The following RCAN3 variants were observed in gnomAD, a reference collection of about 807,000 sequenced individuals.
The protein encoded by RCAN3 is regulator of calcineurin 3.
RCAN3 carries 19 observed loss-of-function variants against 21.9 expected under a neutral mutation model. The observed-to-expected ratio is 0.87, with a 90% CI of 0.61 to 1.27. The LOEUF (loss-of-function observed/expected upper bound fraction) is 1.27. Ranked by LOEUF, RCAN3 falls within the 50% of genes most tolerant of loss-of-function variation. RCAN3 has a pLI of 0.00. For synonymous variants in RCAN3, 114 were observed against 112.3 expected (o/e 1.01, Z -0.09); for missense variants, 240 against 300.1 (o/e 0.80, Z 1.48).
chr1:24,519,048 C>A (rs116813060), intron 2 of RCAN3, among the ~76,000 whole-genome samples: 5,730 of 152,120 alleles, frequency 0.038, 163 homozygotes, highest in Non-Finnish European at 0.058. Flanking sequence ...AATGCTGGGA[C>A]TACAGGTGCA....
chr1:24,522,388 T>G (rs1165447801), intron 2 of RCAN3, among the ~76,000 whole-genome samples: 1 of 152,176 alleles, frequency 6.6e-6, no homozygotes, highest in Admixed American at 6.5e-5. Context: ...TGCACAGACT[T>G]GGAAGCATGA....
At chr1:24,531,121 T>A in intron 2 of RCAN3, 97 bp from the exon 3 acceptor site, 1 of 857,658 alleles carries the variant, frequency 1.2e-6, no homozygotes, top group Non-Finnish European at 1.7e-6. Context: ...AATGAGTTCT[T>A]AATTAGGTTT....
At chr1:24,506,077 G>A (rs769913484) in intron 1 of RCAN3, among the ~76,000 whole-genome samples, 5 of 152,108 alleles carry the variant, frequency 3.3e-5, no homozygotes, top group Non-Finnish European at 4.4e-5. Context: ...TGGAGATGAC[G>A]GGAAACCTGG....
chr1:24,523,710 C>A (rs750174228), intron 2 of RCAN3, among the ~76,000 whole-genome samples: 1 of 151,630 alleles, frequency 6.6e-6, no homozygotes, highest in Non-Finnish European at 1.5e-5. Flanking sequence ...GGTACAATCT[C>A]GGCCCACTGC....
intron 2 of RCAN3, among the ~76,000 whole-genome samples, chr1:24,520,636 A>AAC (rs1283888805): frequency 2.0e-5 from 3 of 146,872 alleles, no homozygotes; most frequent in Non-Finnish European, 4.5e-5. Context: ...GAACAATGAG[A>AAC]ACACAATGAC....
chr1:24,507,429 C>T (rs1415808682), intron 1 of RCAN3: 2 of 152,214 alleles, frequency 1.3e-5, no homozygotes, highest in Non-Finnish European at 2.9e-5. Flanking sequence ...AGTGGGGTAA[C>T]TAAAATACTA....
At chr1:24,518,868 G>A (rs1354751912) in intron 2 of RCAN3, among the ~76,000 whole-genome samples, 1 of 152,014 alleles carries the variant, frequency 6.6e-6, no homozygotes, top group Non-Finnish European at 1.5e-5. Flanking sequence ...CTGCCTCCCG[G>A]GTTCAAGCAA....
chr1:24,518,763 A>ATTAT (rs57153313), intron 2 of RCAN3, among the ~76,000 whole-genome samples: 3,629 of 150,484 alleles, frequency 0.024, 56 homozygotes, highest in Middle Eastern at 0.048. Flanking sequence ...CAGCTAATTT[A>ATTAT]TTATTTATTT....
At chr1:24,523,683 C>T (rs1649019552) in intron 2 of RCAN3, among the ~76,000 whole-genome samples, 1 of 150,638 alleles carries the variant, frequency 6.6e-6, no homozygotes, top group South Asian at 2.1e-4. Context: ...ATTCTGTTTC[C>T]CAGGCTGGAG....
At chr1:24,513,380 G>A (rs1449401608) in intron 1 of RCAN3, among the ~76,000 whole-genome samples, 2 of 152,016 alleles carry the variant, frequency 1.3e-5, no homozygotes, top group Non-Finnish European at 2.9e-5. Context: ...AAAGTGCTGG[G>A]ATTGGCCAGA....
rs1461905897 is a variant in RCAN3, at chr1:24,540,212, T to C, written c.*4935T>C. 6.6e-6 allele frequency: 1 copy of C among 152,466 alleles called. No individual in the cohort carries two copies. The highest frequency in any genetic ancestry group is 1.9e-4 in the East Asian group (1 of 5,194). The allele number at this position is 152,466 out of a possible 1,614,324, so 9.4% of individuals were successfully genotyped here. On this transcript the variant is annotated 3_prime_UTR_variant, in exon 5 of 5. Transcript: ENST00000374395. ...CTGCTGGGTTCACTGACAAAGATTATAAAAATCATCACGTTCAAAGTAGAG... is the reference window on the plus strand; with the variant it reads ...CTGCTGGGTTCACTGACAAAGATTACAAAAATCATCACGTTCAAAGTAGAG...
At chr1:24,527,676 C>T (rs1211227585) in intron 2 of RCAN3, among the ~76,000 whole-genome samples, 2 of 151,984 alleles carry the variant, frequency 1.3e-5, no homozygotes, top group African/African-American at 4.8e-5. Context: ...TTTACATAGG[C>T]GAAGCAAGAA....
intron 2 of RCAN3, among the ~76,000 whole-genome samples, chr1:24,522,759 T>C (rs903814089): frequency 5.9e-5 from 9 of 152,278 alleles, no homozygotes; most frequent in African/African-American, 2.2e-4. Flanking sequence ...ATTCCTCTTA[T>C]GTAAGGCGCT....
intron 4 of RCAN3, 22 bp from the exon 5 acceptor site, chr1:24,535,071 G>A (rs1650118540): frequency 6.3e-7 from 1 of 1,589,346 alleles, no homozygotes; most frequent in Non-Finnish European, 8.5e-7. Context: ...TTTTGTCATG[G>A]TTATTTTGTT....
rs1444356151 is a variant in RCAN3 at position 24,535,447 on chromosome 1, A to AT, written c.*173dup. 8.6e-6 allele frequency: 5 copies of AT among 579,244 alleles called. No homozygotes were observed. Among genetic ancestry groups the AT allele is most frequent in the Non-Finnish European group, 1.3e-5 (5 of 380,554 alleles). 35.9% of individuals were successfully genotyped at this position (579,244 alleles called of 1,614,324 possible). ...ACACGGTCGTGTAGAGTAGCAGCTG[A>AT]TTTGACCTGTCCCAGATTTTAAGTG... On this transcript the variant is annotated 3_prime_UTR_variant, in exon 5 of 5. Coordinates refer to ENST00000374395, the MANE Select transcript of RCAN3 (RefSeq NM_013441.4).
In RCAN3 at chr1:24,535,189, A is replaced by T. The variant is rs1171015093; in HGVS notation, c.638A>T (p.Asn213Ile). ...ACTGAAGAGGAAGAAGAGACAAAAA[A>T]CCCCAAACAGAAAATTGCCCAGACG... ...SETEEEEETK[N>I]PKQKIAQTRR... Residue 213 changes from asparagine to isoleucine, a missense_variant, in exon 5 of 5, where the codon AAC becomes ATC. By Grantham distance (149) the Asn-to-Ile change is moderately radical. Coordinates refer to ENST00000374395, the MANE Select transcript of RCAN3 (RefSeq NM_013441.4). The T allele has an allele frequency of 6.3e-7, 1 of 1,594,708 alleles. No individual in the cohort carries two copies. The highest frequency in any genetic ancestry group is 1.4e-5 in the African/African-American group (1 of 73,294).
At position 24,505,225 on chromosome 1, in the gene RCAN3, CTTTTTTCTTT is replaced by C. The variant is rs1279657520; in HGVS notation, c.-60+2082_-60+2091del. 3.2e-3 allele frequency among the ~76,000 whole-genome samples: 346 copies of C among 109,536 alleles called. 2 individuals are homozygous for C. Among genetic ancestry groups the C allele is most frequent in the Admixed American group, 8.3e-3 (87 of 10,516 alleles). 71.9% of individuals were successfully genotyped at this position (109,536 alleles called of 152,430 possible). ...GTTGTTGCTTTGTTTTTTTTTTTCT[CTTTTTTCTTT>C]TTTTTTTTTTTTTTTTTTCTTTTTT... On this transcript the variant is annotated intron_variant, in intron 1 of 4. Transcript: ENST00000374395.
At chr1:24,509,068 G>A (rs1198731973) in intron 1 of RCAN3, among the ~76,000 whole-genome samples, 2 of 152,120 alleles carry the variant, frequency 1.3e-5, no homozygotes, top group Non-Finnish European at 2.9e-5. Flanking sequence ...GGCTGAGGTG[G>A]GGGGATCACC....
intron 1 of RCAN3, among the ~76,000 whole-genome samples, chr1:24,508,063 G>A (rs536844507): frequency 1.3e-5 from 2 of 152,074 alleles, no homozygotes; most frequent in Non-Finnish European, 2.9e-5. Context: ...GCGCCACTGC[G>A]CCGAGACTGC....
Sources: allele counts gnomAD v4.1 joint callset (sites outside exome capture counted in the v4.1 genomes callset), GRCh38; gene constraint gnomAD v4.1.1; transcripts MANE v1.5; gene names NCBI Gene and HGNC (gene_info 2026-07-23, HGNC 2026-07-21).